Variants in ARIH1 observed in about 807,000 individuals in gnomAD.
The protein encoded by ARIH1 is E3 ubiquitin-protein ligase ARIH1.
A neutral mutation model predicts 85.0 loss-of-function variants in ARIH1; 8 were observed. The ratio of observed to expected loss-of-function variants is 0.09; its 90% CI spans 0.06 to 0.17. The LOEUF (loss-of-function observed/expected upper bound fraction) is 0.17, where lower values mean the gene tolerates loss of function less well. Ranked by LOEUF, ARIH1 falls within the 10% of genes least tolerant of loss-of-function variation. ARIH1 has a pLI of 1.00. For synonymous variants in ARIH1, 238 were observed against 253.6 expected (o/e 0.94, Z 0.59); for missense variants, 311 against 718.1 (o/e 0.43, Z 6.48).
At position 72,601,752 on chromosome 15, in the gene ARIH1, G is replaced by GTAA. The variant is rs1458316530; in HGVS notation, c.*18463_*18465dup. 1 of 152,098 alleles carries GTAA rather than the reference G, an allele frequency of 6.6e-6. No homozygotes were observed. Among genetic ancestry groups the GTAA allele is most frequent in the Admixed American group, 6.6e-5 (1 of 15,248 alleles). The allele number at this position is 152,098 out of a possible 1,614,324, so 9.4% of individuals were successfully genotyped here. ...TTCTTAGTCGCTATTATTGGAGTAGGTAATACATCCATATAGTACAAAATT... is the reference window on the plus strand; with the variant it reads ...TTCTTAGTCGCTATTATTGGAGTAGGTAATAATACATCCATATAGTACAAAATT... On this transcript the variant is annotated 3_prime_UTR_variant, in exon 14 of 14. Coordinates refer to ENST00000379887, the MANE Select transcript of ARIH1 (RefSeq NM_005744.5).
chr15:72,535,535 A>G (rs1388718189), intron 2 of ARIH1, among the ~76,000 whole-genome samples: 1 of 152,226 alleles, frequency 6.6e-6, no homozygotes, highest in African/African-American at 2.4e-5. Flanking sequence ...TGAATTTTAA[A>G]CATACTTGTT....
Position 72,592,281 on chromosome 15 carries a change from G to T in ARIH1, c.*8989G>T, listed in dbSNP as rs2064346300. On this transcript the variant is annotated 3_prime_UTR_variant, in exon 14 of 14. Transcript: ENST00000379887. ...GGACACTGGATTGTGTGCTCTTTAA[G>T]ATAAATTCCATAATCAAGGGCCTGG... The T allele has an allele frequency of 1.3e-5, 2 of 152,178 alleles. No homozygotes were observed. The highest frequency in any genetic ancestry group is 2.1e-4 in the South Asian group (1 of 4,824). 9.4% of individuals were successfully genotyped at this position (152,178 alleles called of 1,614,324 possible).
At chr15:72,547,974 A>G (rs1405123702) in intron 3 of ARIH1, among the ~76,000 whole-genome samples, 1 of 152,232 alleles carries the variant, frequency 6.6e-6, no homozygotes, top group Admixed American at 6.5e-5. Flanking sequence ...TGAGATTTAC[A>G]GTGTAAATTT....
At position 72,586,554 on chromosome 15, in the gene ARIH1, T is replaced by C. The variant is rs1445707112; in HGVS notation, c.*3262T>C. ...CTAATAAAATAAACTTTTATTTTGT[T>C]ATTCCATTAGTTACTTATGTTTATT... is the stretch of plus-strand genomic sequence containing the variant. On this transcript the variant is annotated 3_prime_UTR_variant, in exon 14 of 14. Transcript: ENST00000379887. 6.6e-6 allele frequency: 1 copy of C among 152,256 alleles called. No individual in the cohort carries two copies. The highest frequency in any genetic ancestry group is 2.4e-5 in the African/African-American group (1 of 41,464). The allele number at this position is 152,256 out of a possible 1,614,324, so 9.4% of individuals were successfully genotyped here.
Position 72,600,907 on chromosome 15 carries a change from A to G in ARIH1, c.*17615A>G, listed in dbSNP as rs562644047. ...ATAAAGAATGTCATTTGCTCCTCAC[A>G]GGACCCCTTTCAGGGAGATTTCACA... On this transcript the variant is annotated 3_prime_UTR_variant, in exon 14 of 14. Coordinates refer to ENST00000379887, the MANE Select transcript of ARIH1 (RefSeq NM_005744.5). 6.6e-6 allele frequency: 1 copy of G among 152,220 alleles called. No homozygotes were observed. Among genetic ancestry groups the G allele is most frequent in the East Asian group, 1.9e-4 (1 of 5,206 alleles). The allele number at this position is 152,220 out of a possible 1,614,324, so 9.4% of individuals were successfully genotyped here.
At chr15:72,520,097 T>G (rs933566186) in intron 2 of ARIH1, among the ~76,000 whole-genome samples, 2 of 152,162 alleles carry the variant, frequency 1.3e-5, no homozygotes, top group Non-Finnish European at 1.5e-5. Context: ...TCTGCTCAGT[T>G]TTTCTGGGAA....
intron 2 of ARIH1, among the ~76,000 whole-genome samples, chr15:72,525,154 G>A (rs1429420863): frequency 9.9e-5 from 15 of 152,198 alleles, no homozygotes; most frequent in Admixed American, 9.2e-4. Context: ...GCCTCCCAGA[G>A]TGCTGGGATT....
chr15:72,515,449 A>G (rs943261903), intron 1 of ARIH1, among the ~76,000 whole-genome samples: 2 of 152,208 alleles, frequency 1.3e-5, no homozygotes, highest in Admixed American at 6.5e-5. Flanking sequence ...CTTCTGCTTT[A>G]AGAATTGGTC....
At chr15:72,483,080 T>G (rs1271205596) in intron 1 of ARIH1, among the ~76,000 whole-genome samples, 1 of 152,188 alleles carries the variant, frequency 6.6e-6, no homozygotes, top group Non-Finnish European at 1.5e-5. Flanking sequence ...TAGGCTGCTC[T>G]TGAACACCTT....
intron 2 of ARIH1, among the ~76,000 whole-genome samples, chr15:72,538,592 G>A (rs2064093099): frequency 6.6e-6 from 1 of 152,190 alleles, no homozygotes; most frequent in Non-Finnish European, 1.5e-5. Context: ...TTAGCCAGTG[G>A]TGATCCCTAC....
chr15:72,580,015 C>A (rs2064289003), intron 11 of ARIH1, among the ~76,000 whole-genome samples: 1 of 152,060 alleles, frequency 6.6e-6, no homozygotes, highest in Admixed American at 6.6e-5. Flanking sequence ...TGCAATAAAT[C>A]TCAAAACTTA....
At chr15:72,561,921 C>T (rs771236801) in intron 6 of ARIH1, among the ~76,000 whole-genome samples, 1 of 152,036 alleles carries the variant, frequency 6.6e-6, no homozygotes, top group Non-Finnish European at 1.5e-5. Context: ...TGCAGTGAGC[C>T]GAGATGGCGC....
At chr15:72,556,099 T>G (rs1205100234) in intron 5 of ARIH1, among the ~76,000 whole-genome samples, 192 bp downstream of exon 5, 1 of 152,218 alleles carries the variant, frequency 6.6e-6, no homozygotes, top group Non-Finnish European at 1.5e-5. Context: ...CTTACAAACT[T>G]AGAAATGCAT....
intron 11 of ARIH1, among the ~76,000 whole-genome samples, chr15:72,575,216 T>C (rs1286633198): frequency 1.3e-5 from 2 of 152,186 alleles, no homozygotes; most frequent in African/African-American, 4.8e-5. Flanking sequence ...TGTTGTCTTT[T>C]CCACGCTCCC....
chr15:72,493,575 A>G (rs2063867995), intron 1 of ARIH1, among the ~76,000 whole-genome samples: 1 of 152,192 alleles, frequency 6.6e-6, no homozygotes, highest in Admixed American at 6.5e-5. Flanking sequence ...TGGGTTCTGT[A>G]TATTTCCTCC....
At chr15:72,563,373 A>G in intron 6 of ARIH1, 21 bp from the exon 7 acceptor site, 3 of 1,604,614 alleles carry the variant, frequency 1.9e-6, no homozygotes, top group Non-Finnish European at 2.6e-6. Context: ...GTCATTTTTT[A>G]TTTTCTAACT....
chr15:72,568,671 G>A (rs2064231070), intron 9 of ARIH1, among the ~76,000 whole-genome samples: 1 of 152,032 alleles, frequency 6.6e-6, no homozygotes, highest in Non-Finnish European at 1.5e-5. Context: ...ACATTTTGGA[G>A]GTTTAATACT....
intron 1 of ARIH1, among the ~76,000 whole-genome samples, chr15:72,494,084 T>G (rs2063870318): frequency 6.6e-6 from 1 of 152,170 alleles, no homozygotes; most frequent in Non-Finnish European, 1.5e-5. Flanking sequence ...AGATCCTAAA[T>G]AATCGTGTTA....
At chr15:72,514,606 G>A (rs1284085002) in intron 1 of ARIH1, among the ~76,000 whole-genome samples, 1 of 152,056 alleles carries the variant, frequency 6.6e-6, no homozygotes, top group African/African-American at 2.4e-5. Flanking sequence ...TCAGGAGGCT[G>A]AGGTGGGAGA....
Sources: allele counts gnomAD v4.1 joint callset (sites outside exome capture counted in the v4.1 genomes callset), GRCh38; gene constraint gnomAD v4.1.1; transcripts MANE v1.5; gene names NCBI Gene and HGNC (gene_info 2026-07-23, HGNC 2026-07-21).